Variants in CSMD3 observed in about 807,000 individuals in gnomAD.
CSMD3 encodes the protein CUB and sushi domain-containing protein 3.
A neutral mutation model predicts 435.2 loss-of-function variants in CSMD3; 177 were observed. The observed-to-expected ratio is 0.41, with a 90% CI of 0.36 to 0.46. CSMD3 has a LOEUF of 0.46. Among genes scored for constraint, CSMD3 ranks in the 20% least tolerant of loss-of-function variants. The pLI is 0.34. For synonymous variants in CSMD3, 1,656 were observed against 1,520.5 expected (o/e 1.09, Z -2.07); for missense variants, 4,265 against 4,504.6 (o/e 0.95, Z 1.52).
At chr8:112,883,304 G>A (rs566706467) in intron 10 of CSMD3, among the ~76,000 whole-genome samples, 19 of 151,914 alleles carry the variant, frequency 1.3e-4, no homozygotes, top group Admixed American at 4.6e-4. Context: ...AATATAAATC[G>A]TTGGTTTGTA....
chr8:112,425,108 T>A (rs910306151), intron 32 of CSMD3, among the ~76,000 whole-genome samples: 8 of 152,224 alleles, frequency 5.3e-5, no homozygotes, highest in Non-Finnish European at 7.3e-5. Context: ...AGTTAAATGA[T>A]GCTGGAACCC....
At position 113,380,413 on chromosome 8, in the gene CSMD3, ACATATAAAAGCTG is replaced by A. The variant is rs149588187; in HGVS notation, c.178+56251_178+56263del. On this transcript the variant is annotated intron_variant, in intron 1 of 70. Transcript: ENST00000297405. ...TCCTGAATATATTACCAGAATATTT[ACATATAAAAGCTG>A]CATGTGTGTTTCCTTTTTTCAAATT... Among the ~76,000 whole-genome samples the A allele has an allele frequency of 4.5e-3, 693 of 152,308 alleles. 24 individuals carry two copies. In the East Asian group the frequency reaches 0.092, roughly 20 times the overall value.
intron 10 of CSMD3, among the ~76,000 whole-genome samples, chr8:112,906,271 AAGT>A (rs1215172127): frequency 6.6e-6 from 1 of 151,338 alleles, no homozygotes; most frequent in Non-Finnish European, 1.5e-5. Context: ...CAATCCTATG[AAGT>A]ATTCATGGGA....
chr8:112,793,336 G>C, intron 13 of CSMD3, among the ~76,000 whole-genome samples: 1 of 151,046 alleles, frequency 6.6e-6, no homozygotes, highest in Non-Finnish European at 1.5e-5. Flanking sequence ...AAAAAAAAGA[G>C]CATAGTGAAC....
chr8:112,408,375 T>C lies in CSMD3; in HGVS notation c.5548A>G (p.Ile1850Val), dbSNP rs182067237. 2.4e-5 allele frequency: 38 copies of C among 1,611,820 alleles called. No homozygotes were observed. The East Asian group carries it at 4.9e-4, about 21-fold the overall frequency. The change falls in exon 34 of 71, where the codon ATT (isoleucine) becomes GTT (valine). Residue 1850 changes from isoleucine (I) to valine (V), a missense_variant. Around this residue, in one of 3 missense-constraint regions of CSMD3, gnomAD observed 3,255 missense variants for 3,380.2 expected, o/e 0.96. Transcript: ENST00000297405. ...ATTGGTCCAACTGAAGTAAATCGAA[T>C]TGTGATCTGATTACCTGAACTCAGT... Reference protein sequence around the residue: ...LPLSSGNQITIRFTSVGPITA... With the variant: ...LPLSSGNQITVRFTSVGPITA...
intron 24 of CSMD3, among the ~76,000 whole-genome samples, chr8:112,563,633 G>A (rs999954046): frequency 2.6e-5 from 4 of 151,950 alleles, no homozygotes; most frequent in African/African-American, 7.2e-5. Context: ...TCAGCATTGG[G>A]CATTTGGCCT....
intron 23 of CSMD3, 72 bp from the exon 24 acceptor site, chr8:112,573,729 A>G: frequency 2.4e-6 from 3 of 1,226,876 alleles, no homozygotes; most frequent in South Asian, 1.3e-5. Flanking sequence ...ATTTGTATCT[A>G]TGAAAAAGAG....
intron 2 of CSMD3, among the ~76,000 whole-genome samples, chr8:113,291,654 T>A (rs1230598733): frequency 6.6e-6 from 1 of 151,838 alleles, no homozygotes; most frequent in Non-Finnish European, 1.5e-5. Context: ...AAACCCAAGA[T>A]GTTTGTTCCC....
intron 5 of CSMD3, among the ~76,000 whole-genome samples, chr8:113,047,045 C>A (rs1222510131): frequency 6.6e-6 from 1 of 152,176 alleles, no homozygotes; most frequent in East Asian, 1.9e-4. Context: ...TGGAGTTCTG[C>A]AGAAAGTGCA....
At chr8:112,904,801 T>C (rs2082210258) in intron 10 of CSMD3, among the ~76,000 whole-genome samples, 2 of 151,204 alleles carry the variant, frequency 1.3e-5, no homozygotes, top group East Asian at 2.0e-4. Flanking sequence ...AGTTAATGCA[T>C]CCTAAAGTAT....
At chr8:113,132,194 G>T (rs2091300473) in intron 4 of CSMD3, among the ~76,000 whole-genome samples, 1 of 152,152 alleles carries the variant, frequency 6.6e-6, no homozygotes, top group South Asian at 2.1e-4. Context: ...TGCCTCAGAT[G>T]ACACTTTGGA....
Position 113,019,112 on chromosome 8 carries a change from T to C in CSMD3, c.985A>G (p.Thr329Ala). 1 of 1,613,720 alleles carries C rather than the reference T, an allele frequency of 6.2e-7. No homozygotes were observed. Among genetic ancestry groups the C allele is most frequent in the Non-Finnish European group, 8.5e-7 (1 of 1,179,652 alleles). ...NKNWLRLHFV[T>A]DSNHRYRGFS... ...CCACGGTATCGATGATTGCTGTCTG[T>C]AACAAAATGCAGTCTGAGCCAGTTT... is the stretch of plus-strand genomic sequence containing the variant. The change falls in exon 6 of 71, where the codon ACA (threonine) becomes GCA (alanine). Residue 329 changes from threonine to alanine, a missense_variant. By Grantham distance (58) the Thr-to-Ala change is moderately conservative. Transcript: ENST00000297405.
chr8:112,729,723 T>C (rs1278073675), intron 13 of CSMD3, among the ~76,000 whole-genome samples: 2 of 152,078 alleles, frequency 1.3e-5, no homozygotes, highest in African/African-American at 4.8e-5. Context: ...CTCTCTCTTA[T>C]ATGGACACAC....
chr8:112,359,220 T>A (rs2131103536), intron 38 of CSMD3, among the ~76,000 whole-genome samples: 1 of 152,300 alleles, frequency 6.6e-6, no homozygotes, highest in African/African-American at 2.4e-5. Context: ...ATTTCATTTT[T>A]AAAAAGCATT....
intron 12 of CSMD3, among the ~76,000 whole-genome samples, chr8:112,820,979 G>T (rs2079514328): frequency 6.6e-6 from 1 of 152,136 alleles, no homozygotes; most frequent in South Asian, 2.1e-4. Context: ...CAAAGGATAT[G>T]ATCTCATTCC....
intron 23 of CSMD3, among the ~76,000 whole-genome samples, chr8:112,585,652 G>T (rs905563407): frequency 1.3e-5 from 2 of 151,574 alleles, no homozygotes; most frequent in African/African-American, 4.8e-5. Context: ...GCATCACAAA[G>T]AAATATTTTA....
intron 22 of CSMD3, among the ~76,000 whole-genome samples, chr8:112,602,776 A>G (rs1342535600): frequency 6.6e-6 from 1 of 151,998 alleles, no homozygotes; most frequent in East Asian, 1.9e-4. Context: ...AATAAAAAAT[A>G]TATATTTATA....
rs3047126 is a variant in CSMD3 at position 112,827,164 on chromosome 8, A to AATATATATATATAT, written c.1859+2508_1859+2521dup. On this transcript the variant is annotated intron_variant, in intron 12 of 70. Coordinates refer to ENST00000297405, the MANE Select transcript of CSMD3 (RefSeq NM_198123.2). ...TTCTGTATTTTACTAGGTTACCATA[A>AATATATATATATAT]ATATATATATATATATATATATATA... Among the ~76,000 whole-genome samples, 340 of 82,724 alleles carry AATATATATATATAT rather than the reference A, an allele frequency of 4.1e-3. 6 individuals carry two copies. Among genetic ancestry groups the AATATATATATATAT allele is most frequent in the South Asian group, 6.5e-3 (14 of 2,162 alleles). 54.3% of individuals were successfully genotyped at this position (82,724 alleles called of 152,430 possible). A position where few individuals can be genotyped will look rare whatever the true frequency, so the allele number is the denominator to read the frequency against.
chr8:113,068,119 TA>T (rs2088942770), intron 5 of CSMD3, among the ~76,000 whole-genome samples: 1 of 152,198 alleles, frequency 6.6e-6, no homozygotes, highest in South Asian at 2.1e-4. Context: ...AAGAGTTCTG[TA>T]TAAAATACCA....
Sources: gnomAD v4.1 joint callset for allele counts (sites outside exome capture counted in the v4.1 genomes callset) on GRCh38, gnomAD v4.1.1 for gene constraint, gnomAD v4.1.1 regional missense constraint, MANE v1.5 for transcripts, NCBI Gene and HGNC (gene_info 2026-07-23, HGNC 2026-07-21) for gene names.